ZRANB3: variants seen among roughly 807,000 people sequenced by gnomAD.
ZRANB3 encodes DNA annealing helicase and endonuclease ZRANB3.
A neutral mutation model predicts 133.8 loss-of-function variants in ZRANB3; 125 were observed. The observed-to-expected ratio is 0.93, with a 90% confidence interval of 0.81 to 1.08. The LOEUF is 1.08. Ranked by LOEUF, ZRANB3 falls within the 50% of genes least tolerant of loss-of-function variation. ZRANB3 has a pLI of 0.00. For missense variants in ZRANB3, 1,229 were observed against 1,275.5 expected (o/e 0.96, Z 0.56); for synonymous variants, 387 against 432.7 (o/e 0.89, Z 1.31).
chr2:135,419,257 C>A (rs550961760), intron 2 of ZRANB3, among the ~76,000 whole-genome samples: 1 of 151,722 alleles, frequency 6.6e-6, no homozygotes, highest in East Asian at 1.9e-4. Context: ...TTATTTTCAA[C>A]CAAAGTTTTC....
At position 135,341,515 on chromosome 2, in the gene ZRANB3, C is replaced by A. The variant is rs1445276725; in HGVS notation, c.677+4035G>T. 2.7e-5 allele frequency among the ~76,000 whole-genome samples: 4 copies of A among 149,732 alleles called. 1 individual carries two copies. Among genetic ancestry groups the A allele is most frequent in the African/African-American group, 1.0e-4 (4 of 39,182 alleles). On this transcript the variant is annotated intron_variant, in intron 6 of 20. Transcript: ENST00000264159. ...TGTTTGTAGAGCATGTGTGTTTGAA[C>A]AATATGAAATCTGGGCACCTTGAAA...
intron 2 of ZRANB3, among the ~76,000 whole-genome samples, chr2:135,435,583 TG>T (rs1395995551): frequency 6.6e-6 from 1 of 152,236 alleles, no homozygotes; most frequent in Non-Finnish European, 1.5e-5. Context: ...CTTTCCACAA[TG>T]GTTGAACTAA....
rs1195170484 is a variant in ZRANB3, at chr2:135,215,410, T to C, written c.2495+2055A>G. 3.3e-5 allele frequency among the ~76,000 whole-genome samples: 5 copies of C among 152,116 alleles called. No homozygotes were observed. In the East Asian group the frequency reaches 9.7e-4, roughly 30 times the overall value. ...GTAGCTGGGACTACAGGCACCACCATGCCTGGCTAATTTATCTGTTTTTTG... is the reference window on the plus strand; with the variant it reads ...GTAGCTGGGACTACAGGCACCACCACGCCTGGCTAATTTATCTGTTTTTTG... On this transcript the variant is annotated intron_variant, in intron 17 of 20. Coordinates refer to ENST00000264159, the MANE Select transcript of ZRANB3 (RefSeq NM_032143.4).
At chr2:135,491,522 T>C (rs1692374923) in intron 2 of ZRANB3, among the ~76,000 whole-genome samples, 2 of 149,332 alleles carry the variant, frequency 1.3e-5, no homozygotes, top group South Asian at 4.2e-4. Flanking sequence ...TTTTTTGTAT[T>C]TTTTTTTTTG....
rs1431917706 is a variant in ZRANB3 at position 135,483,065 on chromosome 2, G to A, written c.161+21264C>T. On this transcript the variant is annotated intron_variant, in intron 2 of 20. Transcript: ENST00000264159. ...TGCATCAATGTTCATCAAGGATATT[G>A]GTCTAAAATTCTCTTTTTTGGCTGT... is the stretch of plus-strand genomic sequence containing the variant. 2.0e-5 allele frequency among the ~76,000 whole-genome samples: 3 copies of A among 152,044 alleles called. No homozygotes were observed. In the East Asian group the frequency reaches 5.8e-4, roughly 29 times the overall value.
At chr2:135,506,782 G>T (rs1693209219) in intron 1 of ZRANB3, among the ~76,000 whole-genome samples, 1 of 152,148 alleles carries the variant, frequency 6.6e-6, no homozygotes, top group African/African-American at 2.4e-5. Context: ...ACACCTGAAG[G>T]AGACAAAGAT....
At chr2:135,432,070 G>C (rs1035667859) in intron 2 of ZRANB3, among the ~76,000 whole-genome samples, 2 of 152,074 alleles carry the variant, frequency 1.3e-5, no homozygotes, top group African/African-American at 4.8e-5. Context: ...GACCAACATG[G>C]AGAAACCCTG....
intron 1 of ZRANB3, among the ~76,000 whole-genome samples, chr2:135,522,881 T>C (rs1694006968): frequency 6.6e-6 from 1 of 152,212 alleles, no homozygotes; most frequent in African/African-American, 2.4e-5. Flanking sequence ...ATTTTTAAAG[T>C]GTAATCAGAT....
intron 8 of ZRANB3, among the ~76,000 whole-genome samples, chr2:135,293,073 T>C (rs1456971921): frequency 1.3e-5 from 2 of 152,070 alleles, no homozygotes; most frequent in Admixed American, 6.6e-5. Context: ...GACTTGGCAA[T>C]GTGGGTTCTT....
chr2:135,240,686 C>T (rs1216644811), intron 12 of ZRANB3, among the ~76,000 whole-genome samples: 1 of 152,154 alleles, frequency 6.6e-6, no homozygotes. Context: ...TCAAGTGATC[C>T]TCCCACCTCA....
At chr2:135,517,684 G>A (rs370699656) in intron 1 of ZRANB3, among the ~76,000 whole-genome samples, 7 of 152,310 alleles carry the variant, frequency 4.6e-5, no homozygotes, top group Non-Finnish European at 7.4e-5. Flanking sequence ...TCTCCTGTCT[G>A]AGGTGTCTGT....
chr2:135,397,858 T>C (rs1042950471), intron 2 of ZRANB3, among the ~76,000 whole-genome samples: 3 of 152,110 alleles, frequency 2.0e-5, no homozygotes, highest in African/African-American at 7.2e-5. Flanking sequence ...ATGTAACCCT[T>C]TCCCTTACCT....
chr2:135,430,890 A>G (rs1281618041), intron 2 of ZRANB3, among the ~76,000 whole-genome samples: 1 of 152,262 alleles, frequency 6.6e-6, no homozygotes. Flanking sequence ...CAAAACTCTC[A>G]ACTGATACCT....
At chr2:135,449,472 T>G (rs1426674708) in intron 2 of ZRANB3, among the ~76,000 whole-genome samples, 6 of 151,852 alleles carry the variant, frequency 4.0e-5, no homozygotes, top group Non-Finnish European at 8.8e-5. Flanking sequence ...ATACAAAAAT[T>G]AGCCAAGTGT....
At position 135,200,319 on chromosome 2, in the gene ZRANB3, A is replaced by ATTCAT; in HGVS notation, c.*18_*22dup. 1 of 1,537,920 alleles carries ATTCAT rather than the reference A, an allele frequency of 6.5e-7. No individual in the cohort carries two copies. Among genetic ancestry groups the ATTCAT allele is most frequent in the South Asian group, 1.2e-5 (1 of 84,410 alleles). ...GTCTTCCACATGTAAACCATTTGTC[A>ATTCAT]TTCATTCATATATTTTTCTACTTTA... On this transcript the variant is annotated 3_prime_UTR_variant, in exon 21 of 21. Coordinates refer to ENST00000264159, the MANE Select transcript of ZRANB3 (RefSeq NM_032143.4).
At chr2:135,449,420 G>A (rs190708738) in intron 2 of ZRANB3, among the ~76,000 whole-genome samples, 1 of 152,264 alleles carries the variant, frequency 6.6e-6, no homozygotes, top group East Asian at 1.9e-4. Flanking sequence ...AGGAGTTCGA[G>A]ACCATCCTGG....
At chr2:135,212,302 C>T (rs1008375717) in intron 17 of ZRANB3, among the ~76,000 whole-genome samples, 1 of 152,202 alleles carries the variant, frequency 6.6e-6, no homozygotes, top group Non-Finnish European at 1.5e-5. Flanking sequence ...TTTCTTCAAC[C>T]ATTTTATTCC....
At chr2:135,511,774 C>T in intron 1 of ZRANB3, 1 of 762,676 alleles carries the variant, frequency 1.3e-6, no homozygotes, top group Non-Finnish European at 2.5e-6. Flanking sequence ...TTCTTTCTGT[C>T]CATAAACTGC....
intron 2 of ZRANB3, among the ~76,000 whole-genome samples, chr2:135,491,259 C>A (rs929318900): frequency 2.6e-5 from 4 of 152,088 alleles, no homozygotes; most frequent in African/African-American, 9.7e-5. Flanking sequence ...ATAATCACAA[C>A]ACAGAAATTA....
Sources: allele counts gnomAD v4.1 joint callset (sites outside exome capture counted in the v4.1 genomes callset), GRCh38; gene constraint gnomAD v4.1.1; transcripts MANE v1.5; gene names NCBI Gene and HGNC (gene_info 2026-07-23, HGNC 2026-07-21).